The following USP32 variants were observed in gnomAD, a reference collection of about 807,000 sequenced individuals.
The protein encoded by USP32 is ubiquitin carboxyl-terminal hydrolase 32.
A neutral mutation model predicts 204.8 loss-of-function variants in USP32; 59 were observed. The ratio of observed to expected loss-of-function variants is 0.29; its 90% CI spans 0.23 to 0.36. USP32 has a LOEUF of 0.36. USP32 is among the 10% of genes least tolerant of loss of function. The pLI, the probability that USP32 is intolerant of heterozygous loss-of-function variation, is 1.00. For missense variants in USP32, 1,160 were observed against 1,946.4 expected, an observed-to-expected ratio of 0.60 and a Z score of 7.60; for synonymous variants, 517 against 678.4, an observed-to-expected ratio of 0.76 and a Z score of 3.70.
At chr17:60,351,117 C>G (rs1439099898) in intron 1 of USP32, among the ~76,000 whole-genome samples, 2 of 151,842 alleles carry the variant, frequency 1.3e-5, no homozygotes, top group Non-Finnish European at 2.9e-5. Context: ...TACCAATTAC[C>G]ACAAAAGTCA....
chr17:60,334,622 G>A (rs2088472940), intron 2 of USP32, among the ~76,000 whole-genome samples: 1 of 143,542 alleles, frequency 7.0e-6, no homozygotes. Context: ...AACCCGGGAG[G>A]CGGAGCTTGC....
rs539362576 is a variant in USP32 at position 60,229,896 on chromosome 17, C to G, written c.1240-3665G>C. Among the ~76,000 whole-genome samples, 337 of 152,240 alleles carry G rather than the reference C, an allele frequency of 2.2e-3. 1 individual carries two copies. Among genetic ancestry groups the G allele is most frequent in the African/African-American group, 7.6e-3 (316 of 41,544 alleles). On this transcript the variant is annotated intron_variant, in intron 12 of 33. Transcript: ENST00000300896. ...TGGTGCAATGTTGGGTCACTGCAAC[C>G]TCTGCCTCCTGGGTTCAAGCAATTC... is the stretch of plus-strand genomic sequence containing the variant.
At chr17:60,314,534 G>A (rs550012157) in intron 2 of USP32, among the ~76,000 whole-genome samples, 5 of 151,512 alleles carry the variant, frequency 3.3e-5, no homozygotes, top group African/African-American at 7.3e-5. Context: ...TCTGAAGTAC[G>A]GTGAAGAAAA....
At chr17:60,285,584 T>C (rs112918106) in intron 5 of USP32, among the ~76,000 whole-genome samples, 3 of 152,270 alleles carry the variant, frequency 2.0e-5, no homozygotes, top group Admixed American at 6.5e-5. Context: ...AAGGATCCTA[T>C]GAGTTAGGAG....
At chr17:60,266,785 G>A (rs1281845777) in intron 7 of USP32, among the ~76,000 whole-genome samples, 3 of 151,832 alleles carry the variant, frequency 2.0e-5, no homozygotes, top group African/African-American at 2.4e-5. Context: ...CCTCTGAGAA[G>A]CTGGGACTAT....
In USP32 at chr17:60,392,099, C is replaced by T. The variant is rs2089850121; in HGVS notation, c.-160G>A. On this transcript the variant is annotated 5_prime_UTR_variant, in exon 1 of 34. Transcript: ENST00000300896. ...TGCGGCTTCTGCCCCGGCGGCTCCT[C>T]CCGGTCGCCGCCACCGCCTCCATGC... 1 of 739,656 alleles carries T rather than the reference C, an allele frequency of 1.4e-6. No homozygotes were observed. The highest frequency in any genetic ancestry group is 2.1e-6 in the Non-Finnish European group (1 of 476,150). 45.8% of individuals were successfully genotyped at this position (739,656 alleles called of 1,614,324 possible). A position where few individuals can be genotyped will look rare whatever the true frequency, so the allele number is the denominator to read the frequency against.
chr17:60,369,810 T>A (rs2089402366), intron 1 of USP32, among the ~76,000 whole-genome samples: 1 of 152,110 alleles, frequency 6.6e-6, no homozygotes. Context: ...TAATCATAAC[T>A]CACTGCAGAC....
At chr17:60,328,203 T>A (rs1187933364) in intron 2 of USP32, among the ~76,000 whole-genome samples, 1 of 151,992 alleles carries the variant, frequency 6.6e-6, no homozygotes, top group East Asian at 1.9e-4. Flanking sequence ...GCATACTTCC[T>A]CCCCTCTGAG....
chr17:60,333,565 A>G (rs2145972797), intron 2 of USP32, among the ~76,000 whole-genome samples: 1 of 152,116 alleles, frequency 6.6e-6, no homozygotes, highest in East Asian at 1.9e-4. Context: ...GTGCCACTGC[A>G]CTCCACCTGG....
At chr17:60,398,044 A>G (rs1475145327) in intron 1 of USP32, among the ~76,000 whole-genome samples, 1 of 151,998 alleles carries the variant, frequency 6.6e-6, no homozygotes, top group Non-Finnish European at 1.5e-5. Context: ...AATGGATTTG[A>G]AAGCTATAAA....
intron 2 of USP32, among the ~76,000 whole-genome samples, chr17:60,344,222 G>A (rs1250300310): frequency 6.8e-6 from 1 of 146,752 alleles, no homozygotes; most frequent in Non-Finnish European, 1.5e-5. Context: ...TCCGCCTCCT[G>A]GGTTCAAGCA....
Position 60,375,688 on chromosome 17 carries a change from C to T in USP32, c.58+16194G>A, listed in dbSNP as rs569845735. On this transcript the variant is annotated intron_variant, in intron 1 of 33. Coordinates refer to ENST00000300896, the MANE Select transcript of USP32 (RefSeq NM_032582.4). The stretch of plus-strand genomic sequence containing the variant: ...GCACGATCTTGGCTCACTGCAACCT[C>T]CGCCTCCTGGGTTCAAGTGAGTCTC... 4.6e-5 allele frequency among the ~76,000 whole-genome samples: 7 copies of T among 152,240 alleles called. No individual in the cohort carries two copies. In the South Asian group the frequency reaches 1.2e-3, roughly 27 times the overall value.
intron 5 of USP32, among the ~76,000 whole-genome samples, chr17:60,281,399 G>A (rs2086963861): frequency 6.6e-6 from 1 of 152,062 alleles, no homozygotes; most frequent in Admixed American, 6.6e-5. Flanking sequence ...TTAGCCAGGC[G>A]CGGTAGCAGG....
chr17:60,353,223 GA>G (rs1216300041), intron 1 of USP32, among the ~76,000 whole-genome samples: 1 of 152,144 alleles, frequency 6.6e-6, no homozygotes, highest in African/African-American at 2.4e-5. Context: ...AGGCACAGAG[GA>G]AAGAGCATGT....
intron 11 of USP32, 122 bp downstream of exon 11, chr17:60,252,259 A>G: frequency 2.5e-6 from 2 of 801,698 alleles, no homozygotes; most frequent in Non-Finnish European, 3.9e-6. Context: ...AAATATTTCA[A>G]TATGTAACTA....
Position 60,270,537 on chromosome 17 carries a change from C to T in USP32, c.703+813G>A, listed in dbSNP as rs2086699057. Among the ~76,000 whole-genome samples the T allele has an allele frequency of 2.6e-5, 4 of 152,050 alleles. No homozygotes were observed. In the South Asian group the frequency reaches 8.3e-4, roughly 31 times the overall value. On this transcript the variant is annotated intron_variant, in intron 6 of 33. Transcript: ENST00000300896. ...GGACTCCTTATTTTTAAAAAAGTAA[C>T]AGCAGACTGGGCGCAGTGGCTCACG... is the stretch of plus-strand genomic sequence containing the variant.
intron 1 of USP32, among the ~76,000 whole-genome samples, chr17:60,355,379 G>C (rs1163332199): frequency 6.6e-6 from 1 of 152,056 alleles, no homozygotes; most frequent in East Asian, 1.9e-4. Context: ...TGTATTTTAG[G>C]ATATAAAAAT....
intron 1 of USP32, among the ~76,000 whole-genome samples, chr17:60,382,303 G>A (rs1339644662): frequency 3.9e-5 from 6 of 152,166 alleles, no homozygotes; most frequent in Non-Finnish European, 7.3e-5. Flanking sequence ...AGGAGTTTCA[G>A]ACCAGCAACA....
At chr17:60,344,639 G>A (rs2088741329) in intron 2 of USP32, among the ~76,000 whole-genome samples, 1 of 151,898 alleles carries the variant, frequency 6.6e-6, no homozygotes, top group South Asian at 2.1e-4. Context: ...CTGTTTTTAA[G>A]TAGAGATGAG....
Sources: allele counts gnomAD v4.1 joint callset (sites outside exome capture counted in the v4.1 genomes callset), GRCh38; gene constraint gnomAD v4.1.1; transcripts MANE v1.5; gene names NCBI Gene and HGNC (gene_info 2026-07-23, HGNC 2026-07-21).